The following PARD3B variants were observed in gnomAD, a reference collection of about 807,000 sequenced individuals.
The protein encoded by PARD3B is partitioning defective 3 homolog B.
Under a neutral mutation model 130.2 loss-of-function variants are expected in PARD3B, and 103 were observed. The observed-to-expected ratio is 0.79, with a 90% CI of 0.67 to 0.93. The LOEUF is 0.93. Ranked by LOEUF, PARD3B falls within the 40% of genes least tolerant of loss-of-function variation. The pLI is 0.00. For synonymous variants in PARD3B, 583 were observed against 553.2 expected, an observed-to-expected ratio of 1.05 and a Z score of -0.76; for missense variants, 1,609 against 1,499.2, an observed-to-expected ratio of 1.07 and a Z score of -1.21.
chr2:205,360,939 A>G lies in PARD3B; in HGVS notation c.2631-40074A>G, dbSNP rs1025323937. ...ATTTTTTTTTCTTGTGTCAGTATCC[A>G]TGATAGTTCTCCCTTTCTAATATGT... On this transcript the variant is annotated intron_variant, in intron 18 of 22. Transcript: ENST00000406610. Among the ~76,000 whole-genome samples, 4 of 152,070 alleles carry G rather than the reference A, an allele frequency of 2.6e-5. No homozygotes were observed. In the East Asian group the frequency reaches 5.8e-4, roughly 22 times the overall value.
At chr2:205,316,557 A>G (rs779845777) in intron 18 of PARD3B, among the ~76,000 whole-genome samples, 1 of 152,226 alleles carries the variant, frequency 6.6e-6, no homozygotes, top group Non-Finnish European at 1.5e-5. Flanking sequence ...AATGTACAAC[A>G]TGATCCTTTT....
rs576955664 is a variant in PARD3B, at chr2:205,193,327, A to G, written c.2140+7A>G. On this transcript the variant is annotated splice_region_variant and intron_variant, in intron 15 of 22. Coordinates refer to ENST00000406610, the MANE Select transcript of PARD3B (RefSeq NM_001302769.2). Reference sequence around the variant, plus strand: ...TCGAAGAGCATGGACCTTGGTAAGCAAGGGTGAGGTGACATCCAGGTCAGC... The same window carrying G: ...TCGAAGAGCATGGACCTTGGTAAGCGAGGGTGAGGTGACATCCAGGTCAGC... 1.9e-6 allele frequency: 3 copies of G among 1,579,816 alleles called. No individual in the cohort carries two copies. The highest frequency in any genetic ancestry group is 3.3e-5 in the Admixed American group (2 of 59,946).
chr2:205,578,132 ACTC>A, intron 22 of PARD3B, among the ~76,000 whole-genome samples: 1 of 151,902 alleles, frequency 6.6e-6, no homozygotes, highest in East Asian at 1.9e-4. Flanking sequence ...CTGAGCAACT[ACTC>A]TTCCACTGAT....
At chr2:205,422,244 A>C (rs1259919297) in intron 19 of PARD3B, among the ~76,000 whole-genome samples, 1 of 152,202 alleles carries the variant, frequency 6.6e-6, no homozygotes, top group East Asian at 1.9e-4. Context: ...AAAGCTTTGT[A>C]ATTGGAGTTG....
intron 1 of PARD3B, among the ~76,000 whole-genome samples, chr2:204,597,595 A>G (rs2033351576): frequency 6.6e-6 from 1 of 152,084 alleles, no homozygotes; most frequent in Non-Finnish European, 1.5e-5. Flanking sequence ...GGTGATGTTG[A>G]CCCTTTTTTA....
chr2:204,864,055 C>T (rs1036523300), intron 2 of PARD3B, among the ~76,000 whole-genome samples: 5 of 152,112 alleles, frequency 3.3e-5, no homozygotes, highest in African/African-American at 4.8e-5. Context: ...ATCTTGATAG[C>T]GCTTCACTGG....
chr2:205,612,651 T>C (rs2055276913), intron 22 of PARD3B, among the ~76,000 whole-genome samples: 2 of 152,326 alleles, frequency 1.3e-5, no homozygotes, highest in South Asian at 2.1e-4. Context: ...TCATTGTTTT[T>C]CTTCTCTCTG....
At chr2:204,549,472 T>C (rs190187830) in intron 1 of PARD3B, among the ~76,000 whole-genome samples, 1 of 152,206 alleles carries the variant, frequency 6.6e-6, no homozygotes, top group African/African-American at 2.4e-5. Flanking sequence ...CTCTCAACCC[T>C]GGCTGAACTT....
At chr2:204,876,655 CTT>C (rs2045855430) in intron 2 of PARD3B, among the ~76,000 whole-genome samples, 1 of 152,144 alleles carries the variant, frequency 6.6e-6, no homozygotes, top group Admixed American at 6.5e-5. Context: ...ATAGAACCCT[CTT>C]TTGAGGCCAA....
chr2:205,535,168 C>T (rs182732572), intron 21 of PARD3B, among the ~76,000 whole-genome samples: 68 of 152,280 alleles, frequency 4.5e-4, no homozygotes, highest in African/African-American at 1.5e-3. Flanking sequence ...TTCCCACCTG[C>T]GAACTCTGCA....
chr2:205,334,757 T>C (rs1479153318), intron 18 of PARD3B, among the ~76,000 whole-genome samples: 1 of 152,228 alleles, frequency 6.6e-6, no homozygotes, highest in Non-Finnish European at 1.5e-5. Context: ...AAGAAAGTTT[T>C]GCTTATCATT....
chr2:204,842,096 A>AT (rs2044279168), intron 2 of PARD3B, among the ~76,000 whole-genome samples: 1 of 151,918 alleles, frequency 6.6e-6, no homozygotes, highest in Non-Finnish European at 1.5e-5. Flanking sequence ...AATTATTTGG[A>AT]TTTTCTTATG....
chr2:205,262,059 T>C (rs2040334894), intron 16 of PARD3B, among the ~76,000 whole-genome samples: 1 of 152,150 alleles, frequency 6.6e-6, no homozygotes, highest in Non-Finnish European at 1.5e-5. Context: ...TTTTGGCTTT[T>C]CATCTTTCTA....
chr2:205,600,453 T>G (rs2054740387), intron 22 of PARD3B, among the ~76,000 whole-genome samples: 1 of 152,136 alleles, frequency 6.6e-6, no homozygotes, highest in African/African-American at 2.4e-5. Context: ...AAAATCACAC[T>G]CTTTGTTGTT....
chr2:204,914,636 A>T (rs2047373551), intron 2 of PARD3B, among the ~76,000 whole-genome samples: 1 of 152,172 alleles, frequency 6.6e-6, no homozygotes, highest in Non-Finnish European at 1.5e-5. Flanking sequence ...AACCAGTAAG[A>T]AACCTCCTGT....
chr2:204,820,092 T>TTTTTTTTTA (rs57945549), intron 2 of PARD3B, among the ~76,000 whole-genome samples: 4 of 147,372 alleles, frequency 2.7e-5, no homozygotes, highest in African/African-American at 7.8e-5. Context: ...TTTTTTTTTT[T>TTTTTTTTTA]GAGACGGAGT....
chr2:204,611,542 G>A (rs1442203164), intron 1 of PARD3B, among the ~76,000 whole-genome samples: 3 of 152,080 alleles, frequency 2.0e-5, no homozygotes, highest in Non-Finnish European at 4.4e-5. Context: ...TAAAAAGTCT[G>A]TTTTAAAGTT....
chr2:205,577,688 C>A (rs2053811998), intron 22 of PARD3B, among the ~76,000 whole-genome samples: 1 of 152,062 alleles, frequency 6.6e-6, no homozygotes, highest in African/African-American at 2.4e-5. Flanking sequence ...TTTTCTTTTC[C>A]TGTGATGACA....
intron 2 of PARD3B, among the ~76,000 whole-genome samples, chr2:204,760,864 C>T (rs1050257359): frequency 3.3e-5 from 5 of 152,148 alleles, no homozygotes; most frequent in African/African-American, 1.2e-4. Flanking sequence ...AATTGTGAAA[C>T]TGAAGTTGTT....
Sources: gnomAD v4.1 joint callset for allele counts (sites outside exome capture counted in the v4.1 genomes callset) on GRCh38, gnomAD v4.1.1 for gene constraint, MANE v1.5 for transcripts, NCBI Gene and HGNC (gene_info 2026-07-23, HGNC 2026-07-21) for gene names.